Variants in RPH3A observed in about 807,000 individuals in gnomAD.
The protein encoded by RPH3A is rabphilin 3A.
RPH3A carries 48 observed loss-of-function variants against 102.2 expected under a neutral mutation model. That is an observed-to-expected ratio of 0.47 (90% CI 0.37 to 0.60). The LOEUF (loss-of-function observed/expected upper bound fraction) is 0.60, where lower values mean the gene tolerates loss of function less well. Among genes scored for constraint, RPH3A ranks in the 20% least tolerant of loss-of-function variants. The pLI is 0.00. For synonymous variants in RPH3A, 310 were observed against 324.3 expected (o/e 0.96, Z 0.47); for missense variants, 781 against 910.1 (o/e 0.86, Z 1.83).
chr12:112,744,102 G>A (rs989681762), intron 1 of RPH3A, among the ~76,000 whole-genome samples: 4 of 152,162 alleles, frequency 2.6e-5, no homozygotes, highest in Non-Finnish European at 4.4e-5. Flanking sequence ...CCAAGACAGA[G>A]TCTTGCTCTG....
intron 1 of RPH3A, among the ~76,000 whole-genome samples, chr12:112,650,343 G>T (rs1385561917): frequency 1.3e-5 from 2 of 152,184 alleles, no homozygotes; most frequent in African/African-American, 2.4e-5. Flanking sequence ...TGATGTCAGG[G>T]CCAGAATTTC....
chr12:112,798,781 C>T (rs946509296), intron 2 of RPH3A, among the ~76,000 whole-genome samples: 1 of 151,444 alleles, frequency 6.6e-6, no homozygotes, highest in African/African-American at 2.4e-5. Context: ...CTTACTTTTC[C>T]CACCCCTTAA....
At chr12:112,597,696 G>T (rs537091860) in intron 1 of RPH3A, among the ~76,000 whole-genome samples, 1 of 152,220 alleles carries the variant, frequency 6.6e-6, no homozygotes, top group Admixed American at 6.5e-5. Context: ...ACTTCCACTT[G>T]TGTCAGGAAG....
At chr12:112,886,068 C>T (rs2042998137) in intron 16 of RPH3A, among the ~76,000 whole-genome samples, 1 of 152,202 alleles carries the variant, frequency 6.6e-6, no homozygotes, top group Non-Finnish European at 1.5e-5. Flanking sequence ...CAGTGTTAGA[C>T]AGTGCAGGAC....
intron 5 of RPH3A, among the ~76,000 whole-genome samples, chr12:112,852,157 C>T (rs1030302374): frequency 1.3e-5 from 2 of 152,178 alleles, no homozygotes; most frequent in Non-Finnish European, 2.9e-5. Context: ...CCTTGGTGCT[C>T]TTCAGGTAGC....
intron 19 of RPH3A, among the ~76,000 whole-genome samples, chr12:112,891,805 T>C (rs566134027): frequency 3.3e-5 from 5 of 152,316 alleles, no homozygotes; most frequent in African/African-American, 1.2e-4. Context: ...AAATATGTCA[T>C]GGACTTCCAA....
intron 1 of RPH3A, among the ~76,000 whole-genome samples, chr12:112,628,111 C>A (rs550223251): frequency 6.6e-6 from 1 of 152,056 alleles, no homozygotes; most frequent in South Asian, 2.1e-4. Context: ...ACCAGGCCCC[C>A]CCTCCAACAA....
At chr12:112,637,808 G>T (rs939158694) in intron 1 of RPH3A, among the ~76,000 whole-genome samples, 4 of 152,074 alleles carry the variant, frequency 2.6e-5, no homozygotes, top group Non-Finnish European at 5.9e-5. Flanking sequence ...GAGCCCGAAG[G>T]CAGAAGCTTC....
intron 17 of RPH3A, among the ~76,000 whole-genome samples, chr12:112,889,743 G>A (rs926461667): frequency 1.3e-5 from 2 of 152,190 alleles, no homozygotes; most frequent in African/African-American, 4.8e-5. Context: ...GTGACCTTGG[G>A]TAAGGGGCTT....
chr12:112,826,869 G>C (rs1163888038), intron 2 of RPH3A, among the ~76,000 whole-genome samples: 2 of 152,122 alleles, frequency 1.3e-5, no homozygotes, highest in African/African-American at 4.8e-5. Context: ...CCTGTGTTAA[G>C]CTATTATGAA....
intron 12 of RPH3A, among the ~76,000 whole-genome samples, chr12:112,876,225 A>G (rs760333561): frequency 7.9e-5 from 12 of 152,344 alleles, no homozygotes; most frequent in Non-Finnish European, 1.6e-4. Context: ...CACAGCTACA[A>G]GACACTTTTT....
intron 2 of RPH3A, among the ~76,000 whole-genome samples, chr12:112,797,982 C>A (rs544526520): frequency 6.6e-6 from 1 of 152,322 alleles, no homozygotes; most frequent in South Asian, 2.1e-4. Flanking sequence ...AGCCACTGCA[C>A]CCAGCCAAAA....
At chr12:112,585,463 G>A (rs1323326413) in intron 1 of RPH3A, among the ~76,000 whole-genome samples, 4 of 152,180 alleles carry the variant, frequency 2.6e-5, no homozygotes, top group South Asian at 2.1e-4. Flanking sequence ...CGCTGGGCGC[G>A]GTGGCTCGCA....
chr12:112,746,217 G>A (rs540477461), intron 1 of RPH3A, among the ~76,000 whole-genome samples: 1 of 151,976 alleles, frequency 6.6e-6, no homozygotes, highest in South Asian at 2.1e-4. Context: ...CCACCAACAA[G>A]ACAAACACAA....
rs1338407395 is a variant in RPH3A at position 112,828,336 on chromosome 12, C to G, written c.18C>G (p.Phe6Leu). The G allele has an allele frequency of 1.5e-5, 24 of 1,611,138 alleles. No homozygotes were observed. Among genetic ancestry groups the G allele is most frequent in the Non-Finnish European group, 2.0e-5 (24 of 1,178,722 alleles). Reference sequence around the variant, plus strand: ...CATCTACTATGACTGACACCGTGTTCAGCAACAGTTCTAACCGTTGGATGT... The same window carrying G: ...CATCTACTATGACTGACACCGTGTTGAGCAACAGTTCTAACCGTTGGATGT... MTDTV[F>L]SNSSNRWMYP... is the part of the protein sequence containing the mutation. Residue 6 changes from phenylalanine to leucine, a missense_variant, in exon 3 of 22, where the codon TTC (phenylalanine) becomes TTG (leucine). Transcript: ENST00000389385.
Position 112,819,704 on chromosome 12 carries a change from G to A in RPH3A, c.-18-8597G>A, listed in dbSNP as rs545052707. 5.9e-5 allele frequency among the ~76,000 whole-genome samples: 9 copies of A among 152,360 alleles called. No individual in the cohort carries two copies. In the East Asian group the frequency reaches 9.6e-4, roughly 16 times the overall value. ...TGGATGATCTTGGCTGGGCTTGTTCGTGTGTCTGTGGTCATCCTGTATTTT... is the reference window on the plus strand; with the variant it reads ...TGGATGATCTTGGCTGGGCTTGTTCATGTGTCTGTGGTCATCCTGTATTTT... On this transcript the variant is annotated intron_variant, in intron 2 of 21. Coordinates refer to ENST00000389385, the MANE Select transcript of RPH3A (RefSeq NM_001143854.2).
At chr12:112,778,894 A>G (rs1323243691) in intron 1 of RPH3A, among the ~76,000 whole-genome samples, 1 of 152,200 alleles carries the variant, frequency 6.6e-6, no homozygotes, top group Non-Finnish European at 1.5e-5. Context: ...AGATGAATTA[A>G]TTAGGCATGG....
intron 1 of RPH3A, among the ~76,000 whole-genome samples, chr12:112,576,612 TC>T (rs1177791528): frequency 6.6e-6 from 1 of 152,220 alleles, no homozygotes; most frequent in Non-Finnish European, 1.5e-5. Context: ...TGCCTTGGCC[TC>T]CCAAAGTGCT....
At chr12:112,863,156 A>C (rs2136215976) in intron 5 of RPH3A, among the ~76,000 whole-genome samples, 1 of 152,342 alleles carries the variant, frequency 6.6e-6, no homozygotes, top group Non-Finnish European at 1.5e-5. Context: ...CAGTGGCATC[A>C]TGTGCCACCA....
Sources: gnomAD v4.1 joint callset for allele counts (sites outside exome capture counted in the v4.1 genomes callset) on GRCh38, gnomAD v4.1.1 for gene constraint, MANE v1.5 for transcripts, NCBI Gene and HGNC (gene_info 2026-07-23, HGNC 2026-07-21) for gene names.